The following COL23A1 variants were observed in gnomAD, a reference collection of about 807,000 sequenced individuals.
COL23A1 encodes the protein collagen type XXIII alpha 1 chain, also known as collagen alpha-1(XXIII) chain.
COL23A1 carries 97 observed loss-of-function variants against 99.3 expected under a neutral mutation model. That is an observed-to-expected ratio of 0.98 (90% CI 0.83 to 1.16). COL23A1 has a LOEUF of 1.16. COL23A1 is among the 50% of genes most tolerant of loss of function. COL23A1 has a pLI of 0.00. For missense variants in COL23A1, 762 were observed against 757.4 expected (o/e 1.01, Z -0.07); for synonymous variants, 320 against 308.2 (o/e 1.04, Z -0.40).
At chr5:178,478,766 AAGACACTGATGGGCCTTTTGAGGGTACC>A (rs1757166798) in intron 2 of COL23A1, among the ~76,000 whole-genome samples, 1 of 152,186 alleles carries the variant, frequency 6.6e-6, no homozygotes, top group Non-Finnish European at 1.5e-5. Context: ...GTAGCCAGGA[AAGACACTGATGGGCCTTTTGAGGGTACC>A]AGAGCCTTCT....
chr5:178,274,544 G>A (rs559187595), intron 5 of COL23A1, among the ~76,000 whole-genome samples: 159 of 151,444 alleles, frequency 1.0e-3, no homozygotes, highest in Non-Finnish European at 1.5e-3. Context: ...CAGACTGGGC[G>A]GGGGCATGCC....
intron 2 of COL23A1, among the ~76,000 whole-genome samples, chr5:178,538,891 A>T (rs1761126171): frequency 6.6e-6 from 1 of 152,234 alleles, no homozygotes; most frequent in South Asian, 2.1e-4. Flanking sequence ...TTACTCAGCC[A>T]TAAAAAAAGA....
intron 16 of COL23A1, among the ~76,000 whole-genome samples, chr5:178,254,380 T>C (rs925036691): frequency 2.0e-5 from 3 of 152,210 alleles, no homozygotes; most frequent in African/African-American, 7.2e-5. Flanking sequence ...CTGGAAATGA[T>C]GTTCAGGTGG....
intron 1 of COL23A1, among the ~76,000 whole-genome samples, chr5:178,577,647 C>T (rs1228821865): frequency 5.9e-5 from 9 of 152,338 alleles, no homozygotes; most frequent in African/African-American, 2.2e-4. Context: ...TGTACCAGCC[C>T]AGACCAGAGC....
intron 2 of COL23A1, among the ~76,000 whole-genome samples, chr5:178,456,209 G>A (rs1262727169): frequency 6.6e-6 from 1 of 152,170 alleles, no homozygotes; most frequent in African/African-American, 2.4e-5. Context: ...AGAGTTATAC[G>A]TAAAAATAAA....
intron 2 of COL23A1, among the ~76,000 whole-genome samples, chr5:178,335,421 C>T (rs567887441): frequency 6.6e-6 from 1 of 152,136 alleles, no homozygotes; most frequent in African/African-American, 2.4e-5. Context: ...AGCGGTCCCC[C>T]TGCGCCGGGA....
At chr5:178,258,862 T>C (rs1417004701) in intron 12 of COL23A1, among the ~76,000 whole-genome samples, 2 of 151,646 alleles carry the variant, frequency 1.3e-5, no homozygotes, top group Non-Finnish European at 2.9e-5. Context: ...ACCTGGCTAA[T>C]ATTTTTGATT....
At position 178,560,723 on chromosome 5, in the gene COL23A1, C is replaced by T. The variant is rs764528478; in HGVS notation, c.320G>A (p.Arg107Gln). ...REKLDGLAKI[R>Q]TAREAPSECV... ...TTCGGATGGAGCTTCCCGAGCAGTC[C>T]GGATCTTCGCTAGTCCGTCCAACTT... The change falls in exon 2 of 29, where the codon CGG becomes CAG. Residue 107 changes from arginine (R) to glutamine (Q), a missense_variant. Coordinates refer to ENST00000390654, the MANE Select transcript of COL23A1 (RefSeq NM_173465.4). 8 of 1,612,008 alleles carry T rather than the reference C, an allele frequency of 5.0e-6. No homozygotes were observed. The highest frequency in any genetic ancestry group is 6.8e-6 in the Non-Finnish European group (8 of 1,179,504).
rs926934819 is a variant in COL23A1 at position 178,345,804 on chromosome 5, T to C, written c.362-38885A>G. 1.7e-4 allele frequency among the ~76,000 whole-genome samples: 26 copies of C among 152,004 alleles called. 1 individual carries two copies. The highest frequency in any genetic ancestry group is 6.3e-4 in the African/African-American group (26 of 41,368). On this transcript the variant is annotated intron_variant, in intron 2 of 28. Transcript: ENST00000390654. ...CCTCCCAAAGTGCTGGGATTATAGGTATGAGCCGTTGCGCCCGGACTTTTT... is the reference window on the plus strand; with the variant it reads ...CCTCCCAAAGTGCTGGGATTATAGGCATGAGCCGTTGCGCCCGGACTTTTT...
chr5:178,427,172 G>A (rs934186267), intron 2 of COL23A1, among the ~76,000 whole-genome samples: 1 of 152,278 alleles, frequency 6.6e-6, no homozygotes, highest in African/African-American at 2.4e-5. Context: ...CAGCCTGGGC[G>A]ACAAGAGCAA....
chr5:178,421,866 G>C (rs995109009), intron 2 of COL23A1, among the ~76,000 whole-genome samples: 2 of 152,146 alleles, frequency 1.3e-5, no homozygotes, highest in African/African-American at 4.8e-5. Flanking sequence ...GTGAAACTTT[G>C]TCTCAAAACA....
rs561397841 is a variant in COL23A1 at position 178,355,681 on chromosome 5, C to T, written c.362-48762G>A. 1.5e-4 allele frequency among the ~76,000 whole-genome samples: 23 copies of T among 152,290 alleles called. No individual in the cohort carries two copies. The South Asian group carries it at 4.1e-3, about 27-fold the overall frequency. On this transcript the variant is annotated intron_variant, in intron 2 of 28. Coordinates refer to ENST00000390654, the MANE Select transcript of COL23A1 (RefSeq NM_173465.4). ...CCGAGTAGCTGGGACCACAGGCTCA[C>T]GCCGCCAAGGATGTTAGCCAGAATG...
At chr5:178,358,077 T>C (rs1337159531) in intron 2 of COL23A1, among the ~76,000 whole-genome samples, 2 of 148,144 alleles carry the variant, frequency 1.4e-5, no homozygotes, top group East Asian at 4.0e-4. Context: ...TGTGTGTATG[T>C]GTATGTACGT....
chr5:178,555,242 T>C (rs566636154), intron 2 of COL23A1, among the ~76,000 whole-genome samples: 25 of 152,248 alleles, frequency 1.6e-4, no homozygotes, highest in African/African-American at 5.5e-4. Context: ...CAAGGGAACA[T>C]TGTTATCTCC....
At chr5:178,483,001 G>C (rs373812017) in intron 2 of COL23A1, among the ~76,000 whole-genome samples, 2 of 152,122 alleles carry the variant, frequency 1.3e-5, no homozygotes, top group South Asian at 2.1e-4. Flanking sequence ...GAGCCCAAGA[G>C]GCTGAGGCTG....
chr5:178,293,521 T>C (rs937640940), intron 3 of COL23A1, among the ~76,000 whole-genome samples: 1 of 152,072 alleles, frequency 6.6e-6, no homozygotes, highest in Non-Finnish European at 1.5e-5. Flanking sequence ...GGTTGGACAA[T>C]GTGGCCTCAG....
chr5:178,238,791 C>A, intron 28 of COL23A1, 91 bp from the exon 29 acceptor site: 1 of 1,528,240 alleles, frequency 6.5e-7, no homozygotes, highest in South Asian at 1.1e-5. Flanking sequence ...CCGGTCCTGC[C>A]CATTTCCTCC....
intron 2 of COL23A1, among the ~76,000 whole-genome samples, chr5:178,498,554 G>T (rs1188574988): frequency 6.6e-6 from 1 of 150,868 alleles, no homozygotes; most frequent in Admixed American, 6.6e-5. Context: ...TGAAAAGAAG[G>T]GAATATAAAC....
chr5:178,242,282 C>T, intron 26 of COL23A1, 59 bp downstream of exon 26: 1 of 1,577,288 alleles, frequency 6.3e-7, no homozygotes, highest in South Asian at 1.1e-5. Flanking sequence ...TGAGCCTCCA[C>T]TCCCACCTGC....
Sources: gnomAD v4.1 joint callset for allele counts (sites outside exome capture counted in the v4.1 genomes callset) on GRCh38, gnomAD v4.1.1 for gene constraint, MANE v1.5 for transcripts, NCBI Gene and HGNC (gene_info 2026-07-23, HGNC 2026-07-21) for gene names.